KLHDC1: variants seen among roughly 807,000 people sequenced by gnomAD.
The protein encoded by KLHDC1 is kelch domain-containing protein 1.
KLHDC1 carries 53 observed loss-of-function variants against 68.3 expected under a neutral mutation model. The ratio of observed to expected loss-of-function variants is 0.78; its 90% CI spans 0.62 to 0.98. The LOEUF is 0.98. KLHDC1 is among the 50% of genes least tolerant of loss of function. The pLI is 0.00. For missense variants in KLHDC1, 470 were observed against 492.3 expected, an observed-to-expected ratio of 0.95 and a Z score of 0.43; for synonymous variants, 148 against 159.0, an observed-to-expected ratio of 0.93 and a Z score of 0.52.
At chr14:49,700,167 C>T (rs1887863233) in intron 1 of KLHDC1, 1 of 214,760 alleles carries the variant, frequency 4.7e-6, no homozygotes. Context: ...GCTGGGACTA[C>T]AGGTGCTTCC....
intron 4 of KLHDC1, 109 bp downstream of exon 4, chr14:49,710,490 G>T: frequency 3.2e-6 from 2 of 627,792 alleles, no homozygotes; most frequent in Non-Finnish European, 2.9e-6. Context: ...GATTGCAATT[G>T]ATTTTCTAAA....
intron 1 of KLHDC1, among the ~76,000 whole-genome samples, chr14:49,703,158 C>A (rs193100630): frequency 1.1e-4 from 17 of 151,518 alleles, no homozygotes; most frequent in Non-Finnish European, 2.4e-4. Context: ...ATAAACAATA[C>A]CTTTATTGTT....
At chr14:49,696,069 A>G (rs1170149406) in intron 1 of KLHDC1, among the ~76,000 whole-genome samples, 4 of 120,262 alleles carry the variant, frequency 3.3e-5, no homozygotes, top group African/African-American at 1.1e-4. Context: ...CTGTCTCAGA[A>G]AAAAAAAAAA....
At chr14:49,713,870 T>A (rs1174340084) in intron 4 of KLHDC1, among the ~76,000 whole-genome samples, 1 of 105,656 alleles carries the variant, frequency 9.5e-6, no homozygotes, top group African/African-American at 3.6e-5. Context: ...TTTTTTTTCC[T>A]GAGACAGAGT....
chr14:49,700,943 C>T (rs934011012), intron 1 of KLHDC1, among the ~76,000 whole-genome samples: 3 of 152,030 alleles, frequency 2.0e-5, no homozygotes, highest in Non-Finnish European at 2.9e-5. Flanking sequence ...ATTAGCCAGG[C>T]GTGGTGGCAC....
chr14:49,751,262 A>G (rs1889314295), intron 12 of KLHDC1, among the ~76,000 whole-genome samples: 1 of 152,220 alleles, frequency 6.6e-6, no homozygotes, highest in Non-Finnish European at 1.5e-5. Flanking sequence ...TCCAAACAAA[A>G]CAAATGAATG....
At chr14:49,698,492 G>A (rs970413454) in intron 1 of KLHDC1, among the ~76,000 whole-genome samples, 3 of 150,850 alleles carry the variant, frequency 2.0e-5, no homozygotes, top group Non-Finnish European at 3.0e-5. Flanking sequence ...CTGAGCCACC[G>A]CGCTCGGCCT....
chr14:49,715,427 A>G (rs1383434763), intron 4 of KLHDC1, among the ~76,000 whole-genome samples: 2 of 151,364 alleles, frequency 1.3e-5, no homozygotes, highest in African/African-American at 4.8e-5. Context: ...GGCCTACTTT[A>G]TTATATTAAG....
chr14:49,742,807 AGGCGTGGTGG>A (rs1484573241), intron 11 of KLHDC1, among the ~76,000 whole-genome samples: 1 of 149,994 alleles, frequency 6.7e-6, no homozygotes, highest in Non-Finnish European at 1.5e-5. Context: ...AAAAAGTGCC[AGGCGTGGTGG>A]CTCATACCTG....
chr14:49,737,643 T>C (rs1384373866), intron 10 of KLHDC1, among the ~76,000 whole-genome samples: 2 of 151,522 alleles, frequency 1.3e-5, no homozygotes, highest in African/African-American at 4.9e-5. Flanking sequence ...GGTGAGAGGA[T>C]TGCTTAAGCC....
At chr14:49,727,206 C>T (rs1216618282) in intron 6 of KLHDC1, among the ~76,000 whole-genome samples, 2 of 151,988 alleles carry the variant, frequency 1.3e-5, no homozygotes, top group Admixed American at 1.3e-4. Context: ...GGAGATTGCT[C>T]CACTGCACCA....
At chr14:49,717,370 C>A (rs1056118749) in intron 4 of KLHDC1, among the ~76,000 whole-genome samples, 3 of 152,080 alleles carry the variant, frequency 2.0e-5, no homozygotes, top group African/African-American at 7.2e-5. Context: ...CTCACCTATG[C>A]TTATTTTGGG....
rs183083275 is a variant in KLHDC1 at position 49,729,029 on chromosome 14, A to C, written c.651+20A>C. The C allele has an allele frequency of 6.5e-7, 1 of 1,549,698 alleles. No homozygotes were observed. On this transcript the variant is annotated intron_variant, in intron 7 of 12. Transcript: ENST00000359332. Reference sequence around the variant, plus strand: ...GTTCTGGTTAGTGTTTTTAATGGAAATGGTATTTTTATGTGCAATGCTCCT... The same window carrying C: ...GTTCTGGTTAGTGTTTTTAATGGAACTGGTATTTTTATGTGCAATGCTCCT...
At chr14:49,740,770 A>G (rs1274450248) in intron 11 of KLHDC1, among the ~76,000 whole-genome samples, 1 of 152,084 alleles carries the variant, frequency 6.6e-6, no homozygotes, top group East Asian at 1.9e-4. Context: ...TTTCTCTTAC[A>G]TGGGTTTCTC....
intron 1 of KLHDC1, among the ~76,000 whole-genome samples, chr14:49,698,350 C>T (rs1887801393): frequency 6.6e-6 from 1 of 151,710 alleles, no homozygotes; most frequent in African/African-American, 2.4e-5. Context: ...AGTATAGGCA[C>T]ACACCACCAC....
At position 49,707,272 on chromosome 14, in the gene KLHDC1, A is replaced by ATGTG. The variant is rs749232051; in HGVS notation, c.97-1864_97-1861dup. On this transcript the variant is annotated intron_variant, in intron 1 of 12. Coordinates refer to ENST00000359332, the MANE Select transcript of KLHDC1 (RefSeq NM_172193.3). ...ACTAATACAACGCTTTTCTATTTTTATGTGTGTGTGTGTGTGTGTGTGTGT... is the reference window on the plus strand; with the variant it reads ...ACTAATACAACGCTTTTCTATTTTTATGTGTGTGTGTGTGTGTGTGTGTGTGTGT... Among the ~76,000 whole-genome samples the ATGTG allele has an allele frequency of 3.0e-3, 414 of 138,372 alleles. 3 individuals are homozygous for ATGTG. The highest frequency in any genetic ancestry group is 0.011 in the African/African-American group (385 of 36,314). The allele number at this position is 138,372 out of a possible 152,430, so 90.8% of individuals were successfully genotyped here.
intron 12 of KLHDC1, 71 bp downstream of exon 12, chr14:49,743,876 C>A: frequency 1.1e-6 from 1 of 910,286 alleles, no homozygotes; most frequent in Non-Finnish European, 1.7e-6. Context: ...TTTTGGGAAG[C>A]ATTGAAATAT....
At chr14:49,710,521 C>T in intron 4 of KLHDC1, 140 bp downstream of exon 4, 2 of 551,494 alleles carry the variant, frequency 3.6e-6, no homozygotes, top group South Asian at 2.3e-5. Context: ...CTGACAATGC[C>T]CGTTTTATTT....
chr14:49,751,753 A>G lies in KLHDC1; in HGVS notation c.1202A>G (p.Gln401Arg), dbSNP rs565752813. Residue 401 changes from glutamine (Q) to arginine (R), a missense_variant, in exon 13 of 13, where the codon CAG (glutamine) becomes CGG (arginine). Gln to Arg is a conservative substitution (Grantham distance 43). Coordinates refer to ENST00000359332, the MANE Select transcript of KLHDC1 (RefSeq NM_172193.3). ...VQKEETENKYQWISSN is the reference protein window; with the variant it reads ...VQKEETENKYRWISSN ...AAAGAAGAAACAGAAAATAAATATCAGTGGATCAGTAGCAATTAAATTGTT... is the reference window on the plus strand; with the variant it reads ...AAAGAAGAAACAGAAAATAAATATCGGTGGATCAGTAGCAATTAAATTGTT... 4.5e-6 allele frequency: 7 copies of G among 1,570,982 alleles called. No individual in the cohort carries two copies. Among genetic ancestry groups the G allele is most frequent in the Non-Finnish European group, 4.3e-6 (5 of 1,150,718 alleles).
Sources: gnomAD v4.1 joint callset for allele counts (sites outside exome capture counted in the v4.1 genomes callset) on GRCh38, gnomAD v4.1.1 for gene constraint, MANE v1.5 for transcripts, NCBI Gene and HGNC (gene_info 2026-07-23, HGNC 2026-07-21) for gene names.